The following AFG2A variants were observed in gnomAD, a reference collection of about 807,000 sequenced individuals.
AFG2A encodes AAA ATPase AFG2A.
the AFG2A span, among the ~76,000 whole-genome samples, chr4:123,103,670 A>C: frequency 6.6e-6 from 1 of 152,170 alleles, no homozygotes; most frequent in Non-Finnish European, 1.5e-5. Flanking sequence ...TTACCCAAGA[A>C]AAATGAATAA....
At chr4:123,182,424 G>A in the AFG2A span, among the ~76,000 whole-genome samples, 9 of 152,056 alleles carry the variant, frequency 5.9e-5, no homozygotes, top group African/African-American at 2.2e-4. Flanking sequence ...TAACCCAATG[G>A]TATCAAATGC....
chr4:123,194,308 A>G, the AFG2A span, among the ~76,000 whole-genome samples: 1 of 152,202 alleles, frequency 6.6e-6, no homozygotes, highest in African/African-American at 2.4e-5. Context: ...CTCTGACGAT[A>G]GCTGATGAGC....
At chr4:123,101,691 C>G in the AFG2A span, among the ~76,000 whole-genome samples, 1 of 151,796 alleles carries the variant, frequency 6.6e-6, no homozygotes, top group Non-Finnish European at 1.5e-5. Context: ...CCTTCCCAAA[C>G]CTTAGTATTT....
chr4:122,952,851 A>T, the AFG2A span, among the ~76,000 whole-genome samples: 1 of 152,110 alleles, frequency 6.6e-6, no homozygotes, highest in Non-Finnish European at 1.5e-5. Context: ...TCAGTAACAG[A>T]GTGGTAGTGG....
chr4:122,972,998 A>G, the AFG2A span, among the ~76,000 whole-genome samples: 15 of 152,216 alleles, frequency 9.9e-5, no homozygotes, highest in East Asian at 2.3e-3. Context: ...AATTTTGGCT[A>G]ATAAGGGAAG....
At chr4:123,103,920 G>C in the AFG2A span, among the ~76,000 whole-genome samples, 1 of 152,114 alleles carries the variant, frequency 6.6e-6, no homozygotes, top group Non-Finnish European at 1.5e-5. Context: ...CTGACATTGT[G>C]AGGATTGCAG....
chr4:123,003,831 C>T, the AFG2A span, among the ~76,000 whole-genome samples: 2 of 152,114 alleles, frequency 1.3e-5, no homozygotes, highest in South Asian at 2.1e-4. Flanking sequence ...CACTGCTGTC[C>T]TGAAAGCTGT....
the AFG2A span, among the ~76,000 whole-genome samples, chr4:123,252,106 T>A: frequency 6.6e-6 from 1 of 152,190 alleles, no homozygotes; most frequent in Non-Finnish European, 1.5e-5. Context: ...CCCATTAATA[T>A]AATTTCCAAA....
the AFG2A span, among the ~76,000 whole-genome samples, chr4:123,261,335 T>C: frequency 6.6e-6 from 1 of 152,148 alleles, no homozygotes; most frequent in Non-Finnish European, 1.5e-5. Flanking sequence ...AAATACTCAG[T>C]GCTCTGTATC....
At chr4:122,966,831 T>A in the AFG2A span, among the ~76,000 whole-genome samples, 1 of 152,176 alleles carries the variant, frequency 6.6e-6, no homozygotes, top group Non-Finnish European at 1.5e-5. Flanking sequence ...GAGATTGATT[T>A]GCCTTCTTGT....
chr4:123,187,768 G>T, the AFG2A span, among the ~76,000 whole-genome samples: 1 of 151,962 alleles, frequency 6.6e-6, no homozygotes, highest in Non-Finnish European at 1.5e-5. Flanking sequence ...GGCTGAGGTG[G>T]GAGGATCTCT....
At chr4:123,058,802 C>G in the AFG2A span, among the ~76,000 whole-genome samples, 3 of 64,236 alleles carry the variant, frequency 4.7e-5, no homozygotes, top group Admixed American at 4.7e-4. Flanking sequence ...CACAGCCAAA[C>G]CATATCATTC....
chr4:123,121,260 ATAAT>A, the AFG2A span, among the ~76,000 whole-genome samples: 4 of 122,884 alleles, frequency 3.3e-5, no homozygotes, highest in Non-Finnish European at 7.1e-5. Context: ...AAAAAAAAAA[ATAAT>A]AAATAAAAAA....
chr4:123,138,876 T>A, the AFG2A span, among the ~76,000 whole-genome samples: 5 of 151,962 alleles, frequency 3.3e-5, no homozygotes, highest in African/African-American at 7.2e-5. Context: ...TTGAATAAAT[T>A]CAAATTTAGA....
chr4:123,150,073 AC>A, the AFG2A span, among the ~76,000 whole-genome samples: 11 of 152,004 alleles, frequency 7.2e-5, no homozygotes, highest in Non-Finnish European at 1.5e-4. Flanking sequence ...AAAGCTCAAC[AC>A]CCCTTTATGC....
the AFG2A span, among the ~76,000 whole-genome samples, chr4:123,047,908 T>G: frequency 6.6e-6 from 1 of 152,036 alleles, no homozygotes; most frequent in East Asian, 1.9e-4. Flanking sequence ...TCTTGATATG[T>G]TGCGCAGGCT....
the AFG2A span, chr4:122,947,631 A>G: frequency 1.4e-5 from 15 of 1,099,346 alleles, no homozygotes; most frequent in East Asian, 4.1e-4. Context: ...ATTTGAAAAA[A>G]TTTTTATTGG....
chr4:123,108,901 A>G, the AFG2A span, among the ~76,000 whole-genome samples: 1 of 152,126 alleles, frequency 6.6e-6, no homozygotes, highest in Non-Finnish European at 1.5e-5. Flanking sequence ...TTTAGAGGCT[A>G]GTAGAGGCCT....
At chr4:123,244,254 C>G in the AFG2A span, among the ~76,000 whole-genome samples, 1 of 152,054 alleles carries the variant, frequency 6.6e-6, no homozygotes, top group Non-Finnish European at 1.5e-5. Context: ...GATAAAACAG[C>G]CCTGCTGCAC....
Sources: allele counts gnomAD v4.1 joint callset (sites outside exome capture counted in the v4.1 genomes callset), GRCh38; gene constraint gnomAD v4.1.1; transcripts MANE v1.5; gene names NCBI Gene and HGNC (gene_info 2026-07-23, HGNC 2026-07-21).